The following LYN variants were observed in gnomAD, a reference collection of about 807,000 sequenced individuals.
The protein encoded by LYN is LYN proto-oncogene, Src family tyrosine kinase.
In LYN, 12 loss-of-function variants were observed where a neutral mutation model predicts 65.0. That is an observed-to-expected ratio of 0.18 (90% CI 0.12 to 0.30). The LOEUF (loss-of-function observed/expected upper bound fraction) is 0.30. Among genes scored for constraint, LYN ranks in the 10% least tolerant of loss-of-function variants. LYN has a pLI of 1.00. For missense variants in LYN, 380 were observed against 623.2 expected, an observed-to-expected ratio of 0.61 and a Z score of 4.16; for synonymous variants, 222 against 221.2, an observed-to-expected ratio of 1.00 and a Z score of -0.03.
intron 1 of LYN, among the ~76,000 whole-genome samples, chr8:55,888,007 T>C (rs995009356): frequency 1.3e-5 from 2 of 152,208 alleles, no homozygotes; most frequent in African/African-American, 2.4e-5. Flanking sequence ...ACTTTGGAGC[T>C]AGAGTGACTT....
At chr8:55,939,643 C>A (rs945533170) in intron 1 of LYN, among the ~76,000 whole-genome samples, 3 of 152,164 alleles carry the variant, frequency 2.0e-5, no homozygotes, top group African/African-American at 4.8e-5. Context: ...GTGGGTTGGC[C>A]GCACCCATGC....
intron 7 of LYN, among the ~76,000 whole-genome samples, chr8:55,952,728 A>G (rs1806986655): frequency 6.6e-6 from 1 of 152,144 alleles, no homozygotes; most frequent in African/African-American, 2.4e-5. Flanking sequence ...CTTTGCATAT[A>G]TTTTTACAAT....
chr8:55,884,830 G>T (rs1201207285), intron 1 of LYN, among the ~76,000 whole-genome samples: 1 of 152,208 alleles, frequency 6.6e-6, no homozygotes, highest in Non-Finnish European at 1.5e-5. Flanking sequence ...GACAAGAGCA[G>T]GGCCTGTAGT....
intron 1 of LYN, among the ~76,000 whole-genome samples, chr8:55,880,859 A>C (rs1189469017): frequency 6.6e-6 from 1 of 152,178 alleles, no homozygotes; most frequent in Non-Finnish European, 1.5e-5. Context: ...CTCTGGGCCC[A>C]TGGTGGCATC....
Position 55,950,751 on chromosome 8 carries a change from G to A in LYN, c.454G>A (p.Ala152Thr), listed in dbSNP as rs1438497156. ...TTTGGCACCAGGAAATAGCGCTGGAGCTTTCCTTATTAGAGAAAGTGAAAC... is the reference window on the plus strand; with the variant it reads ...TTTGGCACCAGGAAATAGCGCTGGAACTTTCCTTATTAGAGAAAGTGAAAC... ...QLLAPGNSAGAFLIRESETLK... is the reference protein window; with the variant it reads ...QLLAPGNSAGTFLIRESETLK... Residue 152 changes from alanine (A) to threonine (T), a missense_variant, in exon 6 of 13, where the codon GCT (alanine) becomes ACT (threonine). Transcript: ENST00000519728. 13 of 1,613,798 alleles carry A rather than the reference G, an allele frequency of 8.1e-6. No homozygotes were observed. The highest frequency in any genetic ancestry group is 3.3e-4 in the Middle Eastern group (2 of 6,062).
Position 55,941,911 on chromosome 8 carries a change from G to A in LYN, c.52G>A (p.Asp18Asn), listed in dbSNP as rs1170061438. 2 of 1,612,534 alleles carry A rather than the reference G, an allele frequency of 1.2e-6. No homozygotes were observed. The highest frequency in any genetic ancestry group is 2.7e-5 in the African/African-American group (2 of 74,892). Residue 18 changes from aspartate (D) to asparagine (N), a missense_variant, in exon 2 of 13, where the codon GAT (aspartate) becomes AAT (asparagine). Around this residue, in one of 2 missense-constraint regions of LYN, gnomAD observed 157 missense variants for 193.2 expected, o/e 0.81. Transcript: ENST00000519728. ...GKDSLSDDGV[D>N]LKTQPVRNTE... Reference sequence around the variant, plus strand: ...AGACAGCTTGAGTGACGATGGAGTAGATTTGAAGACTCAACCAGTACGTAA... The same window carrying A: ...AGACAGCTTGAGTGACGATGGAGTAAATTTGAAGACTCAACCAGTACGTAA...
At chr8:55,883,774 G>A (rs1804711848) in intron 1 of LYN, among the ~76,000 whole-genome samples, 1 of 152,152 alleles carries the variant, frequency 6.6e-6, no homozygotes, top group South Asian at 2.1e-4. Context: ...GCAAGGCACT[G>A]TTCTAGGCCA....
At chr8:55,907,786 G>T (rs993674343) in intron 1 of LYN, among the ~76,000 whole-genome samples, 1 of 151,920 alleles carries the variant, frequency 6.6e-6, no homozygotes, top group South Asian at 2.1e-4. Flanking sequence ...GGATTGCTTG[G>T]GCCTGGGAGG....
intron 10 of LYN, among the ~76,000 whole-genome samples, chr8:55,993,321 C>T (rs1267318376): frequency 6.6e-6 from 1 of 152,164 alleles, no homozygotes; most frequent in South Asian, 2.1e-4. Context: ...GATTCCCTTT[C>T]TGAGGGGTGA....
chr8:55,970,219 CTA>C (rs1411702807), intron 10 of LYN, among the ~76,000 whole-genome samples: 1 of 152,216 alleles, frequency 6.6e-6, no homozygotes, highest in African/African-American at 2.4e-5. Context: ...AACAGAGGAA[CTA>C]TGTCACTTTC....
intron 1 of LYN, among the ~76,000 whole-genome samples, chr8:55,882,404 A>G (rs931015183): frequency 6.6e-6 from 1 of 152,240 alleles, no homozygotes; most frequent in Non-Finnish European, 1.5e-5. Flanking sequence ...CTGAGATTCC[A>G]GTTGGTTCAC....
At chr8:55,883,804 C>T (rs1804713316) in intron 1 of LYN, among the ~76,000 whole-genome samples, 1 of 152,124 alleles carries the variant, frequency 6.6e-6, no homozygotes, top group African/African-American at 2.4e-5. Flanking sequence ...ATATACATTG[C>T]CTCCCATCTT....
intron 8 of LYN, among the ~76,000 whole-genome samples, chr8:55,958,581 T>C (rs758712083): frequency 1.3e-5 from 2 of 152,240 alleles, no homozygotes; most frequent in Non-Finnish European, 2.9e-5. Flanking sequence ...TCTCTTTTCA[T>C]CTGATAAAAC....
chr8:55,964,974 G>A (rs966412242), intron 8 of LYN, among the ~76,000 whole-genome samples: 2 of 152,092 alleles, frequency 1.3e-5, no homozygotes, highest in Non-Finnish European at 1.5e-5. Flanking sequence ...TGCGCACCAG[G>A]CAGCAGGAAC....
chr8:55,924,077 T>A (rs563325968), intron 1 of LYN, among the ~76,000 whole-genome samples: 36 of 151,186 alleles, frequency 2.4e-4, no homozygotes, highest in African/African-American at 7.8e-4. Flanking sequence ...TTTTTTTTTT[T>A]ATTATAGCAA....
intron 12 of LYN, among the ~76,000 whole-genome samples, chr8:56,005,079 C>T (rs1037082725): frequency 3.9e-5 from 6 of 152,162 alleles, no homozygotes; most frequent in Non-Finnish European, 7.3e-5. Context: ...CCACCACGCC[C>T]GGCCAGCCAC....
intron 1 of LYN, among the ~76,000 whole-genome samples, chr8:55,906,421 G>A (rs554763635): frequency 2.6e-5 from 4 of 152,106 alleles, no homozygotes; most frequent in African/African-American, 7.2e-5. Context: ...CAGCAATGGC[G>A]TGATTTCGGT....
chr8:55,906,982 G>A (rs1805446330), intron 1 of LYN, among the ~76,000 whole-genome samples: 1 of 152,220 alleles, frequency 6.6e-6, no homozygotes, highest in Non-Finnish European at 1.5e-5. Flanking sequence ...GGATCAGGGA[G>A]ACGAGTATAA....
chr8:55,967,306 ATTTTTTTTTTTTTTT>A (rs35631616), intron 9 of LYN, among the ~76,000 whole-genome samples: 2 of 95,130 alleles, frequency 2.1e-5, no homozygotes, highest in Non-Finnish European at 4.0e-5. Flanking sequence ...TTCCTCTTTC[ATTTTTTTTTTTTTTT>A]TTTTTTTTTT....
Sources: allele counts gnomAD v4.1 joint callset (sites outside exome capture counted in the v4.1 genomes callset), GRCh38; gene constraint gnomAD v4.1.1; regional missense constraint gnomAD v4.1.1; transcripts MANE v1.5; gene names NCBI Gene and HGNC (gene_info 2026-07-23, HGNC 2026-07-21).